Variants in ASIC2 observed in about 807,000 individuals in gnomAD.
ASIC2 encodes acid-sensing ion channel 2.
A neutral mutation model predicts 57.3 loss-of-function variants in ASIC2; 25 were observed. That is an observed-to-expected ratio of 0.44 (90% CI 0.32 to 0.61). The LOEUF is 0.61. Ranked by LOEUF, ASIC2 falls within the 20% of genes least tolerant of loss-of-function variation. The probability of loss-of-function intolerance (pLI) is 0.06; values close to 1 mark genes in which losing one functional copy is unlikely to be tolerated. For synonymous variants in ASIC2, 319 were observed against 307.5 expected (o/e 1.04, Z -0.39); for missense variants, 641 against 738.1 (o/e 0.87, Z 1.52).
intron 1 of ASIC2, among the ~76,000 whole-genome samples, chr17:33,964,252 T>C (rs1215008477): frequency 6.6e-6 from 1 of 152,048 alleles, no homozygotes; most frequent in Non-Finnish European, 1.5e-5. Flanking sequence ...ACTCCACGAG[T>C]CTATCACACA....
intron 3 of ASIC2, among the ~76,000 whole-genome samples, chr17:33,054,084 C>G (rs1393511093): frequency 6.6e-6 from 1 of 152,116 alleles, no homozygotes; most frequent in African/African-American, 2.4e-5. Flanking sequence ...ACCATCTACC[C>G]AGCTTTCAAG....
intron 3 of ASIC2, among the ~76,000 whole-genome samples, chr17:33,067,502 C>T (rs1179826994): frequency 6.6e-6 from 1 of 152,330 alleles, no homozygotes; most frequent in South Asian, 2.1e-4. Context: ...GCAGGGCACA[C>T]TGAGTAGCTC....
rs374084382 is a variant in ASIC2, at chr17:33,617,536, A to G, written c.556-505469T>C. On this transcript the variant is annotated intron_variant, in intron 1 of 9. Transcript: ENST00000359872. The stretch of plus-strand genomic sequence containing the variant: ...GGGAGGAGGGGAGAATAAAAAAACT[A>G]CCTATTGGGTATTATGCTTACTACC... Among the ~76,000 whole-genome samples the G allele has an allele frequency of 2.9e-4, 44 of 152,210 alleles. No homozygotes were observed. In the South Asian group the frequency reaches 3.3e-3, roughly 12 times the overall value.
At chr17:34,057,461 C>T (rs1222250585) in intron 1 of ASIC2, among the ~76,000 whole-genome samples, 8 of 152,120 alleles carry the variant, frequency 5.3e-5, no homozygotes, top group Non-Finnish European at 1.2e-4. Context: ...GGTGTGAGTG[C>T]CTGTCTGATG....
intron 1 of ASIC2, among the ~76,000 whole-genome samples, chr17:33,660,132 T>A (rs1465874513): frequency 6.6e-6 from 1 of 151,814 alleles, no homozygotes. Flanking sequence ...GCACTTAGCA[T>A]GATTGGATCT....
chr17:33,270,106 T>C (rs1904423044), intron 1 of ASIC2, among the ~76,000 whole-genome samples: 1 of 152,242 alleles, frequency 6.6e-6, no homozygotes, highest in African/African-American at 2.4e-5. Context: ...TGAGCGATTT[T>C]TTTGAATCAA....
At chr17:33,032,440 G>GTTTTTTTTTTTTTTTTTTTTTTTTTTTTT in intron 3 of ASIC2, among the ~76,000 whole-genome samples, 1 of 94,118 alleles carries the variant, frequency 1.1e-5, no homozygotes, top group African/African-American at 4.7e-5. Flanking sequence ...ATAATACACT[G>GTTTTTTTTTTTTTTTTTTTTTTTTTTTTT]TTTTTTTTTT....
At chr17:34,122,351 C>G (rs1911649193) in intron 1 of ASIC2, among the ~76,000 whole-genome samples, 1 of 152,198 alleles carries the variant, frequency 6.6e-6, no homozygotes, top group Non-Finnish European at 1.5e-5. Context: ...CCGACTCCAC[C>G]ACACTACCAG....
intron 1 of ASIC2, among the ~76,000 whole-genome samples, chr17:33,147,461 A>G (rs1264558449): frequency 6.6e-6 from 1 of 152,218 alleles, no homozygotes; most frequent in Non-Finnish European, 1.5e-5. Context: ...CTCAATAGAA[A>G]CAACTGCAAC....
At chr17:34,016,251 C>T (rs111546406) in intron 1 of ASIC2, among the ~76,000 whole-genome samples, 6,921 of 151,828 alleles carry the variant, frequency 0.046, 521 homozygotes, top group African/African-American at 0.16. Context: ...GGTGAAACCC[C>T]GTCTTTACTA....
intron 1 of ASIC2, among the ~76,000 whole-genome samples, chr17:33,983,944 C>CTGTTTG (rs1422685247): frequency 1.3e-5 from 2 of 152,226 alleles, no homozygotes; most frequent in African/African-American, 4.8e-5. Context: ...GAGAAGCCCT[C>CTGTTTG]TGTTTGTGCT....
At chr17:33,544,059 C>T (rs2141971374) in intron 1 of ASIC2, among the ~76,000 whole-genome samples, 1 of 152,294 alleles carries the variant, frequency 6.6e-6, no homozygotes, top group South Asian at 2.1e-4. Context: ...CCCTGGGAGC[C>T]TGCAGTCAAT....
chr17:33,415,240 T>C (rs577096477), intron 1 of ASIC2, among the ~76,000 whole-genome samples: 1 of 152,326 alleles, frequency 6.6e-6, no homozygotes, highest in Non-Finnish European at 1.5e-5. Flanking sequence ...CCAGGACACC[T>C]CAGGGACATC....
intron 1 of ASIC2, among the ~76,000 whole-genome samples, chr17:33,454,710 C>T (rs1912388177): frequency 6.6e-6 from 1 of 152,096 alleles, no homozygotes; most frequent in Non-Finnish European, 1.5e-5. Context: ...ATGTGTTGCC[C>T]ACAGTTCTGG....
chr17:33,741,556 A>G (rs1296468438), intron 1 of ASIC2, among the ~76,000 whole-genome samples: 1 of 152,194 alleles, frequency 6.6e-6, no homozygotes, highest in Non-Finnish European at 1.5e-5. Flanking sequence ...CATAAAGATA[A>G]AACAGTAGTG....
intron 1 of ASIC2, among the ~76,000 whole-genome samples, chr17:33,863,982 C>T (rs1914167951): frequency 6.6e-6 from 1 of 151,470 alleles, no homozygotes; most frequent in Non-Finnish European, 1.5e-5. Context: ...TGGCTCACTG[C>T]AACCTCCACC....
intron 1 of ASIC2, among the ~76,000 whole-genome samples, chr17:33,444,677 A>G (rs986377936): frequency 1.3e-5 from 2 of 152,154 alleles, no homozygotes; most frequent in Admixed American, 6.5e-5. Context: ...CACTGGCCGC[A>G]GGGAAGGGAA....
At position 33,134,709 on chromosome 17, in the gene ASIC2, G is replaced by A. The variant is rs149511882; in HGVS notation, c.709-22642C>T. ...CCTGAGTAGAGAGCCCTCAACCTGG[G>A]TTGTCCCCGGGCTGGCCTTGCTCTC... On this transcript the variant is annotated intron_variant, in intron 1 of 9. Transcript: ENST00000225823. Among the ~76,000 whole-genome samples, 446 of 152,346 alleles carry A rather than the reference G, an allele frequency of 2.9e-3. 7 individuals are homozygous for A. Among genetic ancestry groups the A allele is most frequent in the African/African-American group, 0.01 (431 of 41,590 alleles).
chr17:33,848,067 G>A (rs948605335), intron 1 of ASIC2, among the ~76,000 whole-genome samples: 7 of 152,096 alleles, frequency 4.6e-5, no homozygotes, highest in African/African-American at 1.7e-4. Context: ...GCACAGAGAA[G>A]GTTAAAATCT....
Sources: allele counts gnomAD v4.1 joint callset (sites outside exome capture counted in the v4.1 genomes callset), GRCh38; gene constraint gnomAD v4.1.1; transcripts MANE v1.5; gene names NCBI Gene and HGNC (gene_info 2026-07-23, HGNC 2026-07-21).